Variants in XRCC5 observed in about 807,000 individuals in gnomAD.
XRCC5 encodes the protein DNA repair protein Ku80.
A neutral mutation model predicts 95.7 loss-of-function variants in XRCC5; 12 were observed. That is an observed-to-expected ratio of 0.13 (90% CI 0.08 to 0.20). The LOEUF is 0.20. Ranked by LOEUF, XRCC5 falls within the 10% of genes least tolerant of loss-of-function variation. The pLI, the probability that XRCC5 is intolerant of heterozygous loss-of-function variation, is 1.00. For synonymous variants in XRCC5, 281 were observed against 290.3 expected, an observed-to-expected ratio of 0.97 and a Z score of 0.33; for missense variants, 595 against 873.9, an observed-to-expected ratio of 0.68 and a Z score of 4.02.
At chr2:216,166,688 A>G (rs1238926776) in intron 16 of XRCC5, among the ~76,000 whole-genome samples, 1 of 152,098 alleles carries the variant, frequency 6.6e-6, no homozygotes, top group Non-Finnish European at 1.5e-5. Context: ...ACTTAGGAAG[A>G]ATGCTAAAAT....
intron 16 of XRCC5, chr2:216,175,944 G>A: frequency 2.8e-6 from 1 of 356,672 alleles, no homozygotes; most frequent in Non-Finnish European, 5.4e-6. Context: ...GGATTCCTTT[G>A]GATCATGGCC....
chr2:216,130,218 C>T (rs976469171), intron 8 of XRCC5, among the ~76,000 whole-genome samples: 3 of 146,154 alleles, frequency 2.1e-5, no homozygotes, highest in Non-Finnish European at 4.5e-5. Context: ...AGAATATAGG[C>T]TACAGAACAG....
intron 19 of XRCC5, among the ~76,000 whole-genome samples, chr2:216,197,971 G>C (rs1255658095): frequency 6.6e-6 from 1 of 152,152 alleles, no homozygotes; most frequent in Non-Finnish European, 1.5e-5. Flanking sequence ...GAAAATAAGA[G>C]TAGTAGAATT....
intron 16 of XRCC5, among the ~76,000 whole-genome samples, chr2:216,176,190 C>T (rs1689271425): frequency 1.3e-5 from 2 of 152,162 alleles, no homozygotes; most frequent in Non-Finnish European, 2.9e-5. Flanking sequence ...GTGATCTTGA[C>T]TCACTGCAAC....
At chr2:216,130,479 G>A (rs1311475815) in intron 8 of XRCC5, among the ~76,000 whole-genome samples, 1 of 151,842 alleles carries the variant, frequency 6.6e-6, no homozygotes, top group African/African-American at 2.4e-5. Context: ...TTTTCTCTGT[G>A]GGTCTCTAGG....
intron 19 of XRCC5, among the ~76,000 whole-genome samples, chr2:216,197,543 T>A (rs1335354826): frequency 6.6e-6 from 1 of 152,028 alleles, no homozygotes; most frequent in Non-Finnish European, 1.5e-5. Context: ...TCTCTTCTAC[T>A]TCAGCCACGG....
chr2:216,133,186 T>C (rs138884349), intron 10 of XRCC5, among the ~76,000 whole-genome samples: 73 of 152,356 alleles, frequency 4.8e-4, no homozygotes, highest in African/African-American at 1.6e-3. Flanking sequence ...GTTTGGCTTC[T>C]ACCCTGTTCT....
chr2:216,177,301 T>C (rs958675769), intron 16 of XRCC5, among the ~76,000 whole-genome samples: 11 of 152,340 alleles, frequency 7.2e-5, no homozygotes, highest in African/African-American at 2.2e-4. Context: ...CTTGAGACCT[T>C]GTGTGCTAGT....
In XRCC5 at chr2:216,141,540, C is replaced by CT. The variant is rs71401137; in HGVS notation, c.1476+247dup. Among the ~76,000 whole-genome samples, 249 of 64,964 alleles carry CT rather than the reference C, an allele frequency of 3.8e-3. 12 individuals are homozygous for CT. The highest frequency in any genetic ancestry group is 0.02 in the South Asian group (36 of 1,818). The allele number at this position is 64,964 out of a possible 152,430, so 42.6% of individuals were successfully genotyped here. A position where few individuals can be genotyped will look rare whatever the true frequency, so the allele number is the denominator to read the frequency against. On this transcript the variant is annotated intron_variant, in intron 13 of 20. Coordinates refer to ENST00000392132, the MANE Select transcript of XRCC5 (RefSeq NM_021141.4). ...AAAGTTGGAATGCTTTCTTTCTTTT[C>CT]TTTTTTTTTTTTTTTTTTTTTTTTT...
intron 2 of XRCC5, among the ~76,000 whole-genome samples, chr2:216,115,827 G>A (rs1366867718): frequency 6.6e-6 from 1 of 150,992 alleles, no homozygotes; most frequent in Non-Finnish European, 1.5e-5. Flanking sequence ...TTTTAATAAA[G>A]TGTTACAGAT....
At chr2:216,172,375 C>T (rs1296596210) in intron 16 of XRCC5, among the ~76,000 whole-genome samples, 4 of 151,970 alleles carry the variant, frequency 2.6e-5, no homozygotes, top group East Asian at 3.9e-4. Flanking sequence ...ATAGAATACT[C>T]GGATACACTC....
At chr2:216,162,316 A>G (rs1205976134) in intron 16 of XRCC5, among the ~76,000 whole-genome samples, 1 of 152,192 alleles carries the variant, frequency 6.6e-6, no homozygotes, top group Non-Finnish European at 1.5e-5. Context: ...TTATAGCTCC[A>G]CTTCATTGAA....
intron 16 of XRCC5, among the ~76,000 whole-genome samples, chr2:216,172,531 C>T (rs1574477801): frequency 7.4e-6 from 1 of 135,106 alleles, no homozygotes; most frequent in South Asian, 2.5e-4. Context: ...CACAGTGGTG[C>T]GATCCTAGCT....
chr2:216,205,489 T>C lies in XRCC5; in HGVS notation c.*287T>C. 3 of 423,356 alleles carry C rather than the reference T, an allele frequency of 7.1e-6. No homozygotes were observed. In the South Asian group the frequency reaches 9.8e-5, roughly 14 times the overall value. 26.2% of individuals were successfully genotyped at this position (423,356 alleles called of 1,614,324 possible). ...ATCTTTGTATATTACATACATGCTTTGAAGTTTCTGGAAAGTAGATCTTTT... is the reference window on the plus strand; with the variant it reads ...ATCTTTGTATATTACATACATGCTTCGAAGTTTCTGGAAAGTAGATCTTTT... On this transcript the variant is annotated 3_prime_UTR_variant, in exon 21 of 21. Transcript: ENST00000392132.
intron 8 of XRCC5, among the ~76,000 whole-genome samples, chr2:216,129,262 A>G (rs1318936232): frequency 6.6e-6 from 1 of 152,208 alleles, no homozygotes; most frequent in Non-Finnish European, 1.5e-5. Context: ...GGGTTCAAAG[A>G]GCGTAGAAGT....
chr2:216,121,576 A>G (rs1022162092), intron 5 of XRCC5, among the ~76,000 whole-genome samples: 15 of 152,272 alleles, frequency 9.9e-5, no homozygotes, highest in Admixed American at 7.2e-4. Flanking sequence ...AAGGTCGCTA[A>G]TTCCATTTAT....
chr2:216,160,702 T>C (rs1688936793), intron 15 of XRCC5, among the ~76,000 whole-genome samples: 1 of 152,058 alleles, frequency 6.6e-6, no homozygotes, highest in Admixed American at 6.6e-5. Flanking sequence ...TTTTTATATC[T>C]TGGTCAGCCA....
Position 216,160,663 on chromosome 2 carries a change from CTTAA to C in XRCC5, c.1764+529_1764+532del, listed in dbSNP as rs34464036. Among the ~76,000 whole-genome samples, 530 of 150,532 alleles carry C rather than the reference CTTAA, an allele frequency of 3.5e-3. 1 individual carries two copies. The highest frequency in any genetic ancestry group is 8.3e-3 in the Admixed American group (125 of 15,046). On this transcript the variant is annotated intron_variant, in intron 15 of 20. Coordinates refer to ENST00000392132, the MANE Select transcript of XRCC5 (RefSeq NM_021141.4). ...ATTTTTTGGAACTTGAAAATACTAC[CTTAA>C]TTAATTAATTAATTAATTAATTAAT...
intron 14 of XRCC5, among the ~76,000 whole-genome samples, chr2:216,151,532 C>T (rs952508629): frequency 6.6e-6 from 1 of 152,202 alleles, no homozygotes; most frequent in Non-Finnish European, 1.5e-5. Flanking sequence ...ATGAGTCAGA[C>T]CCCTTGCTCT....
Sources: gnomAD v4.1 joint callset for allele counts (sites outside exome capture counted in the v4.1 genomes callset) on GRCh38, gnomAD v4.1.1 for gene constraint, MANE v1.5 for transcripts, NCBI Gene and HGNC (gene_info 2026-07-23, HGNC 2026-07-21) for gene names.